PACRG: variants seen among roughly 807,000 people sequenced by gnomAD.
The protein encoded by PACRG is parkin coregulated gene protein.
PACRG carries 29 observed loss-of-function variants against 29.7 expected under a neutral mutation model. The ratio of observed to expected loss-of-function variants is 0.98; its 90% CI spans 0.73 to 1.33. The LOEUF (loss-of-function observed/expected upper bound fraction) is 1.33, where lower values mean the gene tolerates loss of function less well. Ranked by LOEUF, PACRG falls within the 40% of genes most tolerant of loss-of-function variation. The pLI, the probability that PACRG is intolerant of heterozygous loss-of-function variation, is 0.00. For synonymous variants in PACRG, 116 were observed against 118.7 expected (o/e 0.98, Z 0.15); for missense variants, 279 against 316.2 (o/e 0.88, Z 0.89).
Position 162,912,866 on chromosome 6 carries a change from G to A in PACRG, c.291+98585G>A, listed in dbSNP as rs146837318. Among the ~76,000 whole-genome samples the A allele has an allele frequency of 8.6e-3, 1,304 of 150,960 alleles. 11 individuals carry two copies. The highest frequency in any genetic ancestry group is 0.029 in the African/African-American group (1,214 of 41,218). ...ATTACAGGCATGAGCCACTGCACCCGGCCCACACATTATATTCTTATAAAT... is the reference window on the plus strand; with the variant it reads ...ATTACAGGCATGAGCCACTGCACCCAGCCCACACATTATATTCTTATAAAT... On this transcript the variant is annotated intron_variant, in intron 2 of 4. Transcript: ENST00000366888.
intron 4 of PACRG, among the ~76,000 whole-genome samples, chr6:163,089,922 A>G (rs1813941332): frequency 6.6e-6 from 1 of 152,178 alleles, no homozygotes; most frequent in Non-Finnish European, 1.5e-5. Context: ...GCTCTATTTT[A>G]CCCTAACAAA....
At chr6:163,098,664 G>A (rs1334996906) in intron 4 of PACRG, among the ~76,000 whole-genome samples, 1 of 152,158 alleles carries the variant, frequency 6.6e-6, no homozygotes, top group African/African-American at 2.4e-5. Context: ...ACGCAAGACA[G>A]AATTCAGGGC....
intron 2 of PACRG, among the ~76,000 whole-genome samples, chr6:162,846,449 A>G (rs1790387982): frequency 1.3e-5 from 2 of 152,224 alleles, no homozygotes; most frequent in Non-Finnish European, 2.9e-5. Context: ...CTTCTGAGTA[A>G]GCCAGAAACT....
Position 162,875,179 on chromosome 6 carries a change from ACACATTCACACACACATCCACG to A in PACRG, c.291+60915_291+60936del, listed in dbSNP as rs1793207245. Among the ~76,000 whole-genome samples the A allele has an allele frequency of 2.6e-5, 4 of 151,026 alleles. No individual in the cohort carries two copies. The South Asian group carries it at 8.4e-4, about 32-fold the overall frequency. Reference sequence around the variant, plus strand: ...CACAGATGCACACACAGACATTCATACACATTCACACACACATCCACGCACATTCACACACACACATGCACAC... The same window carrying A: ...CACAGATGCACACACAGACATTCATACACATTCACACACACACATGCACAC... On this transcript the variant is annotated intron_variant, in intron 2 of 4. Coordinates refer to ENST00000366888, the MANE Select transcript of PACRG (RefSeq NM_001080379.2).
chr6:163,018,801 G>A lies in PACRG; in HGVS notation c.292-43349G>A, dbSNP rs79635770. Reference sequence around the variant, plus strand: ...TAATATGTCAGCACTATTCTGTTCCGTTGCTTTGAGCTTCTTGTTTGGGGC... The same window carrying A: ...TAATATGTCAGCACTATTCTGTTCCATTGCTTTGAGCTTCTTGTTTGGGGC... On this transcript the variant is annotated intron_variant, in intron 2 of 4. Coordinates refer to ENST00000366888, the MANE Select transcript of PACRG (RefSeq NM_001080379.2). 6.9e-3 allele frequency among the ~76,000 whole-genome samples: 1,053 copies of A among 151,962 alleles called. 8 individuals carry two copies. The highest frequency in any genetic ancestry group is 0.024 in the African/African-American group (981 of 41,432).
chr6:162,823,749 G>A (rs1020339774), intron 2 of PACRG, among the ~76,000 whole-genome samples: 23 of 152,014 alleles, frequency 1.5e-4, no homozygotes, highest in African/African-American at 5.3e-4. Flanking sequence ...TCCTGACCTC[G>A]TGATCCGCCT....
intron 2 of PACRG, among the ~76,000 whole-genome samples, chr6:163,051,027 A>G (rs1018556983): frequency 2.6e-5 from 4 of 152,006 alleles, no homozygotes; most frequent in Admixed American, 2.0e-4. Context: ...GATCTTTTCC[A>G]TTGCTTTACC....
intron 4 of PACRG, among the ~76,000 whole-genome samples, chr6:163,175,587 G>C (rs1405473202): frequency 6.6e-6 from 1 of 152,032 alleles, no homozygotes; most frequent in Non-Finnish European, 1.5e-5. Context: ...CTGGGAAGTG[G>C]TGAGCAGCTG....
intron 1 of PACRG, among the ~76,000 whole-genome samples, chr6:162,742,074 T>C (rs903827681): frequency 1.3e-5 from 2 of 152,174 alleles, no homozygotes; most frequent in African/African-American, 4.8e-5. Context: ...ATCTCCCAGC[T>C]TCTGGTAAGT....
intron 2 of PACRG, among the ~76,000 whole-genome samples, chr6:162,951,680 C>CT (rs1799663059): frequency 6.6e-6 from 1 of 152,206 alleles, no homozygotes; most frequent in African/African-American, 2.4e-5. Flanking sequence ...TGTCTTTCAG[C>CT]TGGGGGCATA....
intron 2 of PACRG, among the ~76,000 whole-genome samples, chr6:163,019,621 T>C (rs959387845): frequency 6.6e-6 from 1 of 152,180 alleles, no homozygotes; most frequent in Admixed American, 6.5e-5. Context: ...AGGAGATGGC[T>C]GGCTACTCTC....
intron 4 of PACRG, among the ~76,000 whole-genome samples, chr6:163,175,177 G>A (rs1302852447): frequency 6.6e-6 from 1 of 152,140 alleles, no homozygotes; most frequent in Non-Finnish European, 1.5e-5. Context: ...GGGGGAACTG[G>A]ACTAGTATTT....
At chr6:163,155,131 C>T (rs573246793) in intron 4 of PACRG, among the ~76,000 whole-genome samples, 101 of 152,310 alleles carry the variant, frequency 6.6e-4, no homozygotes, top group African/African-American at 2.3e-3. Context: ...TCAACTGCTG[C>T]GAAGGCTGCT....
chr6:162,740,257 C>T (rs1780473793), intron 1 of PACRG, among the ~76,000 whole-genome samples: 2 of 151,770 alleles, frequency 1.3e-5, no homozygotes, highest in Non-Finnish European at 2.9e-5. Context: ...TGAAAATTTC[C>T]TTGGAGATTT....
intron 3 of PACRG, among the ~76,000 whole-genome samples, chr6:163,075,104 A>G (rs1812423973): frequency 6.6e-6 from 1 of 152,226 alleles, no homozygotes. Context: ...AAATATCATG[A>G]TAGGGTATTA....
intron 2 of PACRG, among the ~76,000 whole-genome samples, chr6:163,059,908 AC>A (rs1346009621): frequency 1.5e-4 from 23 of 152,176 alleles, no homozygotes; most frequent in Admixed American, 1.5e-3. Flanking sequence ...GGAAAAATAG[AC>A]ATGTCAACAG....
chr6:163,183,743 G>A lies in PACRG; in HGVS notation c.613+94335G>A, dbSNP rs566313828. Among the ~76,000 whole-genome samples, 4 of 152,296 alleles carry A rather than the reference G, an allele frequency of 2.6e-5. No homozygotes were observed. The South Asian group carries it at 8.3e-4, about 32-fold the overall frequency. On this transcript the variant is annotated intron_variant, in intron 4 of 4. Transcript: ENST00000366888. ...TTCACTACAAGAAAAATTAAAAGAAGTCATTTCCTGTATCTAAAATGATCA... is the reference window on the plus strand; with the variant it reads ...TTCACTACAAGAAAAATTAAAAGAAATCATTTCCTGTATCTAAAATGATCA...
intron 2 of PACRG, among the ~76,000 whole-genome samples, chr6:162,890,279 T>G (rs1794659206): frequency 6.6e-6 from 1 of 152,202 alleles, no homozygotes. Flanking sequence ...GCCTCTTGGA[T>G]GTATACTTTT....
chr6:163,178,752 A>G (rs1249892736), intron 4 of PACRG, among the ~76,000 whole-genome samples: 1 of 152,168 alleles, frequency 6.6e-6, no homozygotes, highest in African/African-American at 2.4e-5. Flanking sequence ...CTGCCATCAC[A>G]TCCAGCACCC....
Sources: allele counts gnomAD v4.1 joint callset (sites outside exome capture counted in the v4.1 genomes callset), GRCh38; gene constraint gnomAD v4.1.1; transcripts MANE v1.5; gene names NCBI Gene and HGNC (gene_info 2026-07-23, HGNC 2026-07-21).